The following FAM131B variants were observed in gnomAD, a reference collection of about 807,000 sequenced individuals.
FAM131B encodes the protein family with sequence similarity 131 member B, also known as protein FAM131B.
In FAM131B, 19 loss-of-function variants were observed where a neutral mutation model predicts 42.0. That is an observed-to-expected ratio of 0.45 (90% CI 0.32 to 0.66). FAM131B has a LOEUF of 0.66. Among genes scored for constraint, FAM131B ranks in the 30% least tolerant of loss-of-function variants. The probability of loss-of-function intolerance (pLI) is 0.05; values close to 1 mark genes in which losing one functional copy is unlikely to be tolerated. For synonymous variants in FAM131B, 183 were observed against 177.6 expected, an observed-to-expected ratio of 1.03 and a Z score of -0.24; for missense variants, 370 against 468.4, an observed-to-expected ratio of 0.79 and a Z score of 1.94.
the FAM131B span, among the ~76,000 whole-genome samples, chr7:143,372,650 G>A: frequency 6.6e-6 from 1 of 152,154 alleles, no homozygotes; most frequent in African/African-American, 2.4e-5. Context: ...TGCCAAAAAA[G>A]TAAAATACCT....
chr7:143,359,771 T>C lies in FAM131B; in HGVS notation c.139-4A>G, dbSNP rs199503162. On this transcript the variant is annotated splice_polypyrimidine_tract_variant and splice_region_variant and intron_variant, in intron 2 of 6. Coordinates refer to ENST00000443739, the MANE Select transcript of FAM131B (RefSeq NM_001031690.3). This position sits in a 1 kb window ranked among gnomAD's most constrained non-coding sequence, Gnocchi z 5.4. Reference sequence around the variant, plus strand: ...AGGAGAAATCAGTTCGAGTTTGCTGTGAGGAGAGAGGAAAGGGAATGGGCA... The same window carrying C: ...AGGAGAAATCAGTTCGAGTTTGCTGCGAGGAGAGAGGAAAGGGAATGGGCA... The C allele has an allele frequency of 1.3e-6, 2 of 1,565,482 alleles. No individual in the cohort carries two copies. Among genetic ancestry groups the C allele is most frequent in the East Asian group, 4.7e-5 (2 of 42,420 alleles).
chr7:143,367,003 T>G (rs1804195459), upstream of FAM131B, among the ~76,000 whole-genome samples: 1 of 152,108 alleles, frequency 6.6e-6, no homozygotes, highest in Admixed American at 6.5e-5. Context: ...CATGGATGAG[T>G]GCAGATGTTT....
chr7:143,366,540 A>C (rs891806538), upstream of FAM131B, among the ~76,000 whole-genome samples: 1 of 151,364 alleles, frequency 6.6e-6, no homozygotes, highest in Admixed American at 6.6e-5. Context: ...CACGAGGGTC[A>C]GTAACAAAGG....
the FAM131B span, chr7:143,381,214 C>T: frequency 1.0e-6 from 1 of 1,003,420 alleles, no homozygotes; most frequent in Non-Finnish European, 1.2e-6. Flanking sequence ...CTTCCCCGCT[C>T]TCCCCGCCCC....
chr7:143,368,584 C>T, the FAM131B span, among the ~76,000 whole-genome samples: 1 of 152,348 alleles, frequency 6.6e-6, no homozygotes, highest in Non-Finnish European at 1.5e-5. Flanking sequence ...TATGCACATT[C>T]CTCTAGGAGA....
chr7:143,359,116 G>T lies in FAM131B; in HGVS notation c.269-92C>A. The T allele has an allele frequency of 7.4e-7, 1 of 1,343,574 alleles. No individual in the cohort carries two copies. Among genetic ancestry groups the T allele is most frequent in the East Asian group, 2.5e-5 (1 of 40,262 alleles). The allele number at this position is 1,343,574 out of a possible 1,614,324, so 83.2% of individuals were successfully genotyped here. A position where few individuals can be genotyped will look rare whatever the true frequency, so the allele number is the denominator to read the frequency against. ...GTTCCTCCCACCCCAGCCCCATGAG[G>T]CTCCATCCCACTGGGCCAGGCTCCC... is the stretch of plus-strand genomic sequence containing the variant. On this transcript the variant is annotated intron_variant, in intron 4 of 6. Transcript: ENST00000443739. The surrounding 1 kb of genome is among the most constrained non-coding windows in gnomAD (Gnocchi z 5.4).
the FAM131B span, among the ~76,000 whole-genome samples, chr7:143,377,626 A>G: frequency 2.0e-5 from 3 of 152,196 alleles, no homozygotes; most frequent in Non-Finnish European, 2.9e-5. Context: ...CAGTTTCCTT[A>G]ACTAAAAAAT....
At position 143,359,795 on chromosome 7, in the gene FAM131B, C is replaced by A. The variant is rs774108976; in HGVS notation, c.139-28G>T. The A allele has an allele frequency of 2.4e-5, 38 of 1,555,966 alleles. No homozygotes were observed. In the East Asian group the frequency reaches 9.1e-4, roughly 37 times the overall value. ...GTGAGGAGAGAGGAAAGGGAATGGG[C>A]ATCCCAGTCACTCGCAGGAATGCAA... On this transcript the variant is annotated intron_variant, in intron 2 of 6. Transcript: ENST00000443739. This position sits in a 1 kb window ranked among gnomAD's most constrained non-coding sequence, Gnocchi z 5.4.
At chr7:143,380,542 C>T in the FAM131B span, 1 of 985,518 alleles carries the variant, frequency 1.0e-6, no homozygotes. The surrounding 1 kb of genome is among the most constrained non-coding windows in gnomAD (Gnocchi z 5.0). Flanking sequence ...CAGGCGGCCG[C>T]CGCCTCGGCC....
At position 143,359,220 on chromosome 7, in the gene FAM131B, G is replaced by A; in HGVS notation, c.268+106C>T. 9.7e-7 allele frequency: 1 copy of A among 1,030,214 alleles called. No individual in the cohort carries two copies. The highest frequency in any genetic ancestry group is 1.5e-6 in the Non-Finnish European group (1 of 674,440). The allele number at this position is 1,030,214 out of a possible 1,614,324, so 63.8% of individuals were successfully genotyped here. Reference sequence around the variant, plus strand: ...TTGACAGAAGGGTGAATAGGTCAGGGGGTGGGGATGAGGGTCTTCATCAAC... The same window carrying A: ...TTGACAGAAGGGTGAATAGGTCAGGAGGTGGGGATGAGGGTCTTCATCAAC... On this transcript the variant is annotated intron_variant, in intron 4 of 6. Coordinates refer to ENST00000443739, the MANE Select transcript of FAM131B (RefSeq NM_001031690.3). This position sits in a 1 kb window ranked among gnomAD's most constrained non-coding sequence, Gnocchi z 5.4.
chr7:143,359,317 G>T lies in FAM131B; in HGVS notation c.268+9C>A. The stretch of plus-strand genomic sequence containing the variant: ...TTGTCTGAAGGCATTCTTACATCAG[G>T]AGTCTCACCTGAGAATGATGACTTG... On this transcript the variant is annotated intron_variant, in intron 4 of 6. Transcript: ENST00000443739. The surrounding 1 kb of genome is among the most constrained non-coding windows in gnomAD (Gnocchi z 5.4). The T allele has an allele frequency of 1.9e-6, 3 of 1,599,850 alleles. No homozygotes were observed. The highest frequency in any genetic ancestry group is 2.6e-6 in the Non-Finnish European group (3 of 1,167,712).
chr7:143,357,035 T>C lies in FAM131B; in HGVS notation c.611-13A>G, dbSNP rs1375415547. Reference sequence around the variant, plus strand: ...TGAGCCAGGGCATCTGGAAAAAGAATCATGGAGGTCAGTGGGGCCACAGAA... The same window carrying C: ...TGAGCCAGGGCATCTGGAAAAAGAACCATGGAGGTCAGTGGGGCCACAGAA... On this transcript the variant is annotated splice_polypyrimidine_tract_variant and intron_variant, in intron 6 of 6. Coordinates refer to ENST00000443739, the MANE Select transcript of FAM131B (RefSeq NM_001031690.3). 28 of 1,582,928 alleles carry C rather than the reference T, an allele frequency of 1.8e-5. No homozygotes were observed. Among genetic ancestry groups the C allele is most frequent in the Non-Finnish European group, 2.3e-5 (27 of 1,152,702 alleles).
At position 143,360,155 on chromosome 7, in the gene FAM131B, G is replaced by A. The variant is rs754791953; in HGVS notation, c.29-6C>T. On this transcript the variant is annotated splice_polypyrimidine_tract_variant and splice_region_variant and intron_variant, in intron 1 of 6. Coordinates refer to ENST00000443739, the MANE Select transcript of FAM131B (RefSeq NM_001031690.3). ...CACTGCAATCACCTCATTCCCTGAG[G>A]GGGCCAGAAGGTTAGCCGCCGGCCC... 15 of 1,603,138 alleles carry A rather than the reference G, an allele frequency of 9.4e-6. No homozygotes were observed. The highest frequency in any genetic ancestry group is 1.3e-5 in the Non-Finnish European group (15 of 1,174,700).
At chr7:143,382,150 A>C in the FAM131B span, 4 of 1,033,034 alleles carry the variant, frequency 3.9e-6, no homozygotes, top group South Asian at 1.6e-5. Context: ...GGGACCCCTG[A>C]GAGAGTTCTT....
At chr7:143,381,482 TCACC>T in the FAM131B span, 2 of 1,394,220 alleles carry the variant, frequency 1.4e-6, no homozygotes, top group East Asian at 5.9e-5. Context: ...CGAGTGGGGG[TCACC>T]AAGGGGAGCT....
the FAM131B span, chr7:143,381,168 G>A: frequency 4.1e-6 from 4 of 987,484 alleles, no homozygotes; most frequent in Middle Eastern, 5.1e-4. Context: ...GCAGGATCAG[G>A]GCCCCTTCCT....
upstream of FAM131B, chr7:143,363,823 G>A (rs1804110475): frequency 2.0e-5 from 3 of 152,254 alleles, no homozygotes; most frequent in South Asian, 2.1e-4. Context: ...AGAGAGAGAA[G>A]GCAATGGGCC....
chr7:143,380,410 G>A, the FAM131B span: 1 of 985,354 alleles, frequency 1.0e-6, no homozygotes, highest in South Asian at 4.7e-5. The surrounding 1 kb of genome is among the most constrained non-coding windows in gnomAD (Gnocchi z 5.0). Flanking sequence ...CGCAGTCTCA[G>A]AATGCCCAAG....
the FAM131B span, among the ~76,000 whole-genome samples, chr7:143,368,170 C>A: frequency 2.6e-5 from 4 of 152,218 alleles, no homozygotes; most frequent in Non-Finnish European, 5.9e-5. Context: ...CAGCAGCGAC[C>A]AGGCAGGATG....
Sources: allele counts gnomAD v4.1 joint callset (sites outside exome capture counted in the v4.1 genomes callset), GRCh38; gene constraint gnomAD v4.1.1; non-coding constraint Gnocchi (gnomAD v3.1); transcripts MANE v1.5; gene names NCBI Gene and HGNC (gene_info 2026-07-23, HGNC 2026-07-21).